Variants in SNX6 observed in about 807,000 individuals in gnomAD.
The protein encoded by SNX6 is sorting nexin 6.
Under a neutral mutation model 63.0 loss-of-function variants are expected in SNX6, and 34 were observed. The ratio of observed to expected loss-of-function variants is 0.54; its 90% CI spans 0.41 to 0.72. The LOEUF (loss-of-function observed/expected upper bound fraction) is 0.72. SNX6 is among the 30% of genes least tolerant of loss of function. SNX6 has a pLI of 0.00. For missense variants in SNX6, 398 were observed against 471.4 expected, an observed-to-expected ratio of 0.84 and a Z score of 1.44; for synonymous variants, 170 against 164.2, an observed-to-expected ratio of 1.04 and a Z score of -0.27.
chr14:34,625,027 C>T (rs1286373526), intron 2 of SNX6, among the ~76,000 whole-genome samples: 5 of 151,880 alleles, frequency 3.3e-5, no homozygotes, highest in Admixed American at 1.3e-4. Context: ...GTGATTCTCC[C>T]GCCTCAGCCT....
chr14:34,573,393 G>T (rs1881538083), intron 11 of SNX6, among the ~76,000 whole-genome samples: 1 of 151,984 alleles, frequency 6.6e-6, no homozygotes. Flanking sequence ...TGGCCAACAT[G>T]GTGAAACCCC....
At chr14:34,570,649 T>A (rs1354696592) in intron 11 of SNX6, among the ~76,000 whole-genome samples, 1 of 151,224 alleles carries the variant, frequency 6.6e-6, no homozygotes, top group Non-Finnish European at 1.5e-5. Flanking sequence ...TCTTGAACTC[T>A]CAACCTCGTG....
At chr14:34,573,663 G>A (rs1412632223) in intron 11 of SNX6, among the ~76,000 whole-genome samples, 1 of 151,542 alleles carries the variant, frequency 6.6e-6, no homozygotes, top group Non-Finnish European at 1.5e-5. Context: ...TTTCGAGACG[G>A]AGTCTCGCTT....
chr14:34,623,442 C>T (rs1439832106), intron 2 of SNX6, among the ~76,000 whole-genome samples: 2 of 151,818 alleles, frequency 1.3e-5, no homozygotes, highest in African/African-American at 4.8e-5. Flanking sequence ...ACCTTACCCC[C>T]CAAAAAAAGG....
chr14:34,579,080 C>A (rs1881835265), intron 10 of SNX6, among the ~76,000 whole-genome samples: 1 of 151,332 alleles, frequency 6.6e-6, no homozygotes, highest in African/African-American at 2.4e-5. Flanking sequence ...TTCTTGTGGG[C>A]ATGCAAATTG....
At chr14:34,625,742 T>TA (rs1883802934) in intron 2 of SNX6, among the ~76,000 whole-genome samples, 12 of 151,578 alleles carry the variant, frequency 7.9e-5, no homozygotes, top group African/African-American at 2.9e-4. Flanking sequence ...CAAAAAAAAT[T>TA]TAAAAAAAAA....
chr14:34,629,314 C>T, intron 2 of SNX6: 1 of 342,848 alleles, frequency 2.9e-6, no homozygotes, highest in South Asian at 2.2e-5. Flanking sequence ...CCAAGGAAAT[C>T]CTGCCAAAGA....
At position 34,567,681 on chromosome 14, in the gene SNX6, A is replaced by C; in HGVS notation, c.1167+5T>G. 6.2e-7 allele frequency: 1 copy of C among 1,606,186 alleles called. No individual in the cohort carries two copies. Among genetic ancestry groups the C allele is most frequent in the Non-Finnish European group, 8.5e-7 (1 of 1,173,198 alleles). On this transcript the variant is annotated splice_donor_5th_base_variant and intron_variant, in intron 13 of 13. Transcript: ENST00000362031. ...TAAATTATTAAATCTTTATTACAACACTACCTTTGCATGCTTCAGTTCTAA... is the reference window on the plus strand; with the variant it reads ...TAAATTATTAAATCTTTATTACAACCCTACCTTTGCATGCTTCAGTTCTAA...
chr14:34,595,713 T>C (rs1479490620), intron 7 of SNX6, among the ~76,000 whole-genome samples: 1 of 152,190 alleles, frequency 6.6e-6, no homozygotes, highest in East Asian at 1.9e-4. Context: ...TCCACTGACC[T>C]GTCTCTGAAA....
At position 34,603,421 on chromosome 14, in the gene SNX6, AG is replaced by A; in HGVS notation, c.442del (p.Leu148CysfsTer10). 1 of 1,608,970 alleles carries A rather than the reference AG, an allele frequency of 6.2e-7. No individual in the cohort carries two copies. Among genetic ancestry groups the A allele is most frequent in the Non-Finnish European group, 8.5e-7 (1 of 1,177,328 alleles). On this transcript the variant is annotated frameshift_variant, in exon 6 of 14. Coordinates refer to ENST00000362031, the MANE Select transcript of SNX6 (RefSeq NM_152233.4). LOFTEE classifies it high-confidence loss of function. ...AATAGGATGTGCTGCCACACGACAC[AG>A]GAACACTTCATGCATCGCAACTGTC... Reference protein sequence around the residue: ...KKTVAMHEVFLCRVAAHPILR... With the variant: ...KKTVAMHEVFXCRVAAHPILR...
intron 13 of SNX6, among the ~76,000 whole-genome samples, chr14:34,567,120 A>G (rs1038590745): frequency 6.6e-6 from 1 of 152,012 alleles, no homozygotes; most frequent in Non-Finnish European, 1.5e-5. Flanking sequence ...GCTACTCGGG[A>G]GGCTGAGGCA....
intron 2 of SNX6, among the ~76,000 whole-genome samples, chr14:34,613,245 T>C (rs1883300080): frequency 6.6e-6 from 1 of 152,192 alleles, no homozygotes; most frequent in African/African-American, 2.4e-5. Context: ...CAGGTTGACA[T>C]CCTGACTTCT....
intron 10 of SNX6, among the ~76,000 whole-genome samples, chr14:34,581,136 A>G (rs1161680099): frequency 6.6e-6 from 1 of 152,192 alleles, no homozygotes; most frequent in East Asian, 1.9e-4. Context: ...TTAAATCGCC[A>G]AACGGTTAAC....
rs991206793 is a variant in SNX6 at position 34,592,990 on chromosome 14, A to T, written c.718+55T>A. On this transcript the variant is annotated intron_variant, in intron 8 of 13. Transcript: ENST00000362031. ...TAAGACTTTTTCAAACTATAATATGAACTTTATAATTATTCCATTAAAAGA... is the reference window on the plus strand; with the variant it reads ...TAAGACTTTTTCAAACTATAATATGTACTTTATAATTATTCCATTAAAAGA... 5 of 1,224,480 alleles carry T rather than the reference A, an allele frequency of 4.1e-6. No homozygotes were observed. The African/African-American group carries it at 4.6e-5, about 11-fold the overall frequency. The allele number at this position is 1,224,480 out of a possible 1,614,324, so 75.9% of individuals were successfully genotyped here.
intron 2 of SNX6, among the ~76,000 whole-genome samples, chr14:34,618,326 G>T (rs1883500023): frequency 6.6e-6 from 1 of 151,350 alleles, no homozygotes; most frequent in African/African-American, 2.5e-5. Context: ...CACTCCTCTG[G>T]CTCACTATAG....
intron 11 of SNX6, 61 bp downstream of exon 11, chr14:34,575,680 TTAACAATCTGAAGTC>T (rs1234451567): frequency 2.1e-5 from 14 of 654,846 alleles, no homozygotes; most frequent in Non-Finnish European, 3.7e-5. Flanking sequence ...TAAATCATCA[TTAACAATCTGAAGTC>T]TAACAAACTC....
intron 2 of SNX6, 147 bp downstream of exon 2, chr14:34,629,760 G>T: frequency 7.8e-7 from 1 of 1,282,448 alleles, no homozygotes; most frequent in Non-Finnish European, 1.1e-6. Context: ...GCGGGAGGGT[G>T]GGGCGCGGTG....
chr14:34,595,648 G>A (rs1199010058), intron 7 of SNX6, among the ~76,000 whole-genome samples: 1 of 152,310 alleles, frequency 6.6e-6, no homozygotes, highest in East Asian at 1.9e-4. Flanking sequence ...AGCATCAAAT[G>A]GAAGTAAGCT....
chr14:34,596,174 G>A lies in SNX6; in HGVS notation c.612+1376C>T, dbSNP rs182001616. Among the ~76,000 whole-genome samples the A allele has an allele frequency of 6.0e-5, 9 of 150,550 alleles. No homozygotes were observed. In the East Asian group the frequency reaches 9.8e-4, roughly 16 times the overall value. ...GGAGTTTGCAGTAGCCCAAGATCGCGCCACCGCACTCCAGCCTGGGCGAAA... is the reference window on the plus strand; with the variant it reads ...GGAGTTTGCAGTAGCCCAAGATCGCACCACCGCACTCCAGCCTGGGCGAAA... On this transcript the variant is annotated intron_variant, in intron 7 of 13. Coordinates refer to ENST00000362031, the MANE Select transcript of SNX6 (RefSeq NM_152233.4).
Sources: gnomAD v4.1 joint callset for allele counts (sites outside exome capture counted in the v4.1 genomes callset) on GRCh38, gnomAD v4.1.1 for gene constraint, MANE v1.5 for transcripts, NCBI Gene and HGNC (gene_info 2026-07-23, HGNC 2026-07-21) for gene names.